TBC1D20: variants seen among roughly 807,000 people sequenced by gnomAD.
TBC1D20 encodes the protein TBC1 domain family member 20, also known as chromosome 20 open reading frame 140.
In TBC1D20, 12 loss-of-function variants were observed where a neutral mutation model predicts 41.6. The observed-to-expected ratio is 0.29, with a 90% confidence interval of 0.18 to 0.47. The LOEUF (loss-of-function observed/expected upper bound fraction) is 0.47, where lower values mean the gene tolerates loss of function less well. TBC1D20 is among the 20% of genes least tolerant of loss of function. The pLI is 1.00. For missense variants in TBC1D20, 421 were observed against 517.4 expected (o/e 0.81, Z 1.81); for synonymous variants, 205 against 204.8 (o/e 1.00, Z -0.01).
intron 1 of TBC1D20, among the ~76,000 whole-genome samples, chr20:456,804 G>C (rs2017548211): frequency 6.6e-6 from 1 of 151,866 alleles, no homozygotes; most frequent in African/African-American, 2.4e-5. Flanking sequence ...GATCTCAGGT[G>C]ATCTGCCTGC....
chr20:456,308 T>C (rs900606133), intron 1 of TBC1D20, among the ~76,000 whole-genome samples: 13 of 152,186 alleles, frequency 8.5e-5, no homozygotes, highest in Admixed American at 2.0e-4. Context: ...GTTCATGAGA[T>C]GTGTCAAGCT....
chr20:455,702 G>A (rs2017527886), intron 1 of TBC1D20, among the ~76,000 whole-genome samples: 1 of 152,030 alleles, frequency 6.6e-6, no homozygotes, highest in African/African-American at 2.4e-5. Context: ...GGAAGTCGAG[G>A]CGAGCGGATC....
At chr20:451,601 T>C (rs2017443748) in intron 1 of TBC1D20, among the ~76,000 whole-genome samples, 1 of 152,176 alleles carries the variant, frequency 6.6e-6, no homozygotes, top group Admixed American at 6.6e-5. Flanking sequence ...CTACCTATCT[T>C]TGGTGTCTCA....
Position 448,015 on chromosome 20 carries a change from G to A in TBC1D20, c.130C>T (p.Pro44Ser). ...CGTCTAAGGGCAGCCACATCAGTGG[G>A]ATCACTGTTCAGAGCCTGGTGTATC... is the stretch of plus-strand genomic sequence containing the variant. ...AEIHQALNSD[P>S]TDVAALRRMA... Residue 44 changes from proline to serine, a missense_variant, in exon 2 of 8, where the codon CCC (proline) becomes TCC (serine). Pro to Ser is a moderately conservative substitution (Grantham distance 74). Transcript: ENST00000354200. 1 of 1,613,964 alleles carries A rather than the reference G, an allele frequency of 6.2e-7. No homozygotes were observed. Among genetic ancestry groups the A allele is most frequent in the Non-Finnish European group, 8.5e-7 (1 of 1,179,810 alleles).
intron 1 of TBC1D20, among the ~76,000 whole-genome samples, chr20:452,512 G>A (rs1396592255): frequency 1.3e-5 from 2 of 152,170 alleles, no homozygotes. Flanking sequence ...AGCTACTCAG[G>A]AGGCTGGGGC....
At chr20:457,086 A>AG (rs2017554847) in intron 1 of TBC1D20, among the ~76,000 whole-genome samples, 1 of 151,478 alleles carries the variant, frequency 6.6e-6, no homozygotes, top group Non-Finnish European at 1.5e-5. Flanking sequence ...ACAGGCATGC[A>AG]CCACCATGCC....
intron 1 of TBC1D20, among the ~76,000 whole-genome samples, chr20:448,638 G>A (rs34848689): frequency 4.0e-5 from 6 of 148,276 alleles, no homozygotes; most frequent in East Asian, 2.1e-4. Context: ...GCAGTGAGCC[G>A]AGATCGTGCC....
chr20:460,529 T>C (rs1161677209), intron 1 of TBC1D20, among the ~76,000 whole-genome samples: 1 of 152,054 alleles, frequency 6.6e-6, no homozygotes, highest in Non-Finnish European at 1.5e-5. Context: ...AAGAGTTCTA[T>C]TAAACACAAA....
intron 3 of TBC1D20, among the ~76,000 whole-genome samples, chr20:443,091 C>T (rs2017269499): frequency 6.6e-6 from 1 of 151,916 alleles, no homozygotes; most frequent in Non-Finnish European, 1.5e-5. Flanking sequence ...GAGAGCAAGA[C>T]TCCGTCTCCA....
At chr20:461,616 C>T (rs1270000701) in intron 1 of TBC1D20, among the ~76,000 whole-genome samples, 1 of 152,222 alleles carries the variant, frequency 6.6e-6, no homozygotes, top group Non-Finnish European at 1.5e-5. Flanking sequence ...CCAACCATGG[C>T]CTCCCAAAGC....
At chr20:443,976 A>G (rs545146129) in intron 3 of TBC1D20, among the ~76,000 whole-genome samples, 114 of 152,034 alleles carry the variant, frequency 7.5e-4, no homozygotes, top group African/African-American at 2.1e-3. Context: ...ACACACACAC[A>G]CAAAATTAGC....
chr20:437,268 T>C lies in TBC1D20; in HGVS notation c.*1318A>G, dbSNP rs2017137950. 1 of 152,742 alleles carries C rather than the reference T, an allele frequency of 6.5e-6. No homozygotes were observed. Among genetic ancestry groups the C allele is most frequent in the Non-Finnish European group, 1.5e-5 (1 of 68,132 alleles). The allele number at this position is 152,742 out of a possible 1,614,324, so 9.5% of individuals were successfully genotyped here. On this transcript the variant is annotated 3_prime_UTR_variant, in exon 8 of 8. Coordinates refer to ENST00000354200, the MANE Select transcript of TBC1D20 (RefSeq NM_144628.4). ...TGGATATGGTGGGGTAGAGTGCTTCTGGTGTGTTCACTTTAAGAAAACATC... is the reference window on the plus strand; with the variant it reads ...TGGATATGGTGGGGTAGAGTGCTTCCGGTGTGTTCACTTTAAGAAAACATC...
intron 3 of TBC1D20, among the ~76,000 whole-genome samples, chr20:444,436 A>G (rs1480174749): frequency 6.6e-6 from 1 of 152,232 alleles, no homozygotes; most frequent in African/African-American, 2.4e-5. Flanking sequence ...AGGAAGAAAA[A>G]TAGGTCATCC....
intron 3 of TBC1D20, among the ~76,000 whole-genome samples, chr20:443,650 T>C (rs1366918752): frequency 6.6e-6 from 1 of 151,776 alleles, no homozygotes; most frequent in Non-Finnish European, 1.5e-5. Context: ...GGTGAAGCAG[T>C]GAAAGGAGTG....
intron 3 of TBC1D20, 80 bp downstream of exon 3, chr20:444,970 T>G: frequency 7.8e-7 from 1 of 1,287,920 alleles, no homozygotes; most frequent in Non-Finnish European, 1.1e-6. Flanking sequence ...GGCGGCAGGG[T>G]CCAGCATATT....
Position 438,131 on chromosome 20 carries a change from GCCTGACT to G in TBC1D20, c.*448_*454del, listed in dbSNP as rs1344782949. The G allele has an allele frequency of 1.2e-5, 2 of 164,568 alleles. No individual in the cohort carries two copies. Among genetic ancestry groups the G allele is most frequent in the Admixed American group, 5.6e-5 (1 of 17,726 alleles). 10.2% of individuals were successfully genotyped at this position (164,568 alleles called of 1,614,324 possible). On this transcript the variant is annotated 3_prime_UTR_variant, in exon 8 of 8. Transcript: ENST00000354200. Reference sequence around the variant, plus strand: ...TTTGGCCTCTTGCTCTCCATCCCAAGCCTGACTCCTTCAGCAGCAGCCCCCTCCTTCT... The same window carrying G: ...TTTGGCCTCTTGCTCTCCATCCCAAGCCTTCAGCAGCAGCCCCCTCCTTCT...
At chr20:453,971 T>A (rs2017496960) in intron 1 of TBC1D20, among the ~76,000 whole-genome samples, 1 of 146,816 alleles carries the variant, frequency 6.8e-6, no homozygotes, top group South Asian at 2.3e-4. Flanking sequence ...CCAGGTGCGG[T>A]GGCTCACGCC....
intron 1 of TBC1D20, among the ~76,000 whole-genome samples, chr20:452,497 G>A (rs892940881): frequency 2.0e-5 from 3 of 152,052 alleles, no homozygotes; most frequent in Non-Finnish European, 4.4e-5. Context: ...AGGCATGGTG[G>A]TCCCAGCTAC....
At position 447,952 on chromosome 20, in the gene TBC1D20, T is replaced by C. The variant is rs1168626963; in HGVS notation, c.193A>G (p.Ile65Val). ...AGCTTGGGCCACACTTTTCGTCTGA[T>C]CTCATCAGTCAGGAGCCCTCCTTCA... ...ISEGGLLTDE[I>V]RRKVWPKLLN... Residue 65 changes from isoleucine to valine, a missense_variant, in exon 2 of 8, where the codon ATC becomes GTC. By Grantham distance (29) the Ile-to-Val change is conservative. Coordinates refer to ENST00000354200, the MANE Select transcript of TBC1D20 (RefSeq NM_144628.4). 1 of 1,614,134 alleles carries C rather than the reference T, an allele frequency of 6.2e-7. No homozygotes were observed. Among genetic ancestry groups the C allele is most frequent in the Non-Finnish European group, 8.5e-7 (1 of 1,180,006 alleles).
Sources: gnomAD v4.1 joint callset for allele counts (sites outside exome capture counted in the v4.1 genomes callset) on GRCh38, gnomAD v4.1.1 for gene constraint, MANE v1.5 for transcripts, NCBI Gene and HGNC (gene_info 2026-07-23, HGNC 2026-07-21) for gene names.